Variants in GRIK4 observed in about 807,000 individuals in gnomAD.
GRIK4 encodes the protein glutamate receptor ionotropic, kainate 4.
Under a neutral mutation model 104.9 loss-of-function variants are expected in GRIK4, and 40 were observed. That is an observed-to-expected ratio of 0.38 (90% CI 0.30 to 0.50). The LOEUF is 0.50. GRIK4 is among the 20% of genes least tolerant of loss of function. GRIK4 has a pLI of 0.93. For missense variants in GRIK4, 1,047 were observed against 1,308.1 expected, an observed-to-expected ratio of 0.80 and a Z score of 3.08; for synonymous variants, 485 against 524.9, an observed-to-expected ratio of 0.92 and a Z score of 1.04.
chr11:120,849,066 A>G (rs1457398334), intron 8 of GRIK4, among the ~76,000 whole-genome samples: 1 of 152,158 alleles, frequency 6.6e-6, no homozygotes, highest in Non-Finnish European at 1.5e-5. Context: ...CAGGGAAGAT[A>G]AGTCCCACGG....
At chr11:120,525,343 T>A (rs2136076791) in intron 1 of GRIK4, among the ~76,000 whole-genome samples, 1 of 152,274 alleles carries the variant, frequency 6.6e-6, no homozygotes, top group South Asian at 2.1e-4. Context: ...CTAGTGCCTT[T>A]GGTATCATAC....
intron 3 of GRIK4, among the ~76,000 whole-genome samples, chr11:120,692,094 C>G (rs1185214542): frequency 6.6e-6 from 1 of 152,218 alleles, no homozygotes; most frequent in African/African-American, 2.4e-5. Context: ...GATGTGATGG[C>G]TGCTGGGCCC....
intron 1 of GRIK4, among the ~76,000 whole-genome samples, chr11:120,576,982 C>T (rs1226823148): frequency 6.6e-6 from 1 of 152,196 alleles, no homozygotes; most frequent in East Asian, 1.9e-4. Context: ...ACTTTCTTGT[C>T]GTATTTCCCC....
intron 3 of GRIK4, among the ~76,000 whole-genome samples, chr11:120,720,978 TATTCATTCATTCATTC>T (rs35714376): frequency 2.7e-5 from 4 of 150,608 alleles, no homozygotes; most frequent in Non-Finnish European, 4.4e-5. Flanking sequence ...TTCATTCACG[TATTCATTCATTCATTC>T]ATTCATTCAT....
chr11:120,684,314 G>A (rs1950242277), intron 3 of GRIK4, among the ~76,000 whole-genome samples: 1 of 152,142 alleles, frequency 6.6e-6, no homozygotes, highest in African/African-American at 2.4e-5. Context: ...CAGAGCAAGA[G>A]CCAGTTTCTA....
intron 8 of GRIK4, among the ~76,000 whole-genome samples, chr11:120,847,646 G>A (rs1465331844): frequency 1.3e-5 from 2 of 152,346 alleles, no homozygotes; most frequent in Middle Eastern, 3.4e-3. Flanking sequence ...GAGAAATTGT[G>A]GAGCTTGTAA....
At position 120,937,214 on chromosome 11, in the gene GRIK4, T is replaced by C. The variant is rs560715760; in HGVS notation, c.1477-3133T>C. Among the ~76,000 whole-genome samples the C allele has an allele frequency of 1.8e-3, 270 of 152,250 alleles. 3 individuals are homozygous for C. Among genetic ancestry groups the C allele is most frequent in the Non-Finnish European group, 6.2e-4 (42 of 68,016 alleles). On this transcript the variant is annotated intron_variant, in intron 13 of 20. Transcript: ENST00000527524. ...CCACCATGCCCAGCTAATTTTTGTA[T>C]TTTTAATAGAGACAGAGTTTCACCG...
chr11:120,621,149 G>C (rs1949182860), intron 1 of GRIK4, among the ~76,000 whole-genome samples: 1 of 152,184 alleles, frequency 6.6e-6, no homozygotes, highest in Non-Finnish European at 1.5e-5. Context: ...AGTAAGAAAG[G>C]AACACGTTCA....
chr11:120,670,218 C>T (rs1287339094), intron 3 of GRIK4, among the ~76,000 whole-genome samples: 1 of 152,202 alleles, frequency 6.6e-6, no homozygotes, highest in African/African-American at 2.4e-5. Flanking sequence ...TTATTTCTCC[C>T]TGGATTACTG....
intron 3 of GRIK4, among the ~76,000 whole-genome samples, chr11:120,761,299 G>C (rs1269503898): frequency 6.6e-6 from 1 of 152,008 alleles, no homozygotes; most frequent in Non-Finnish European, 1.5e-5. Context: ...GGGGTTGTTT[G>C]TTTTTTTCTT....
chr11:120,679,647 A>G (rs1336495052), intron 3 of GRIK4, among the ~76,000 whole-genome samples: 1 of 152,218 alleles, frequency 6.6e-6, no homozygotes, highest in East Asian at 1.9e-4. Context: ...GGACACATGA[A>G]GAGAGCAGGG....
At chr11:120,605,540 G>A (rs907120111) in intron 1 of GRIK4, among the ~76,000 whole-genome samples, 8 of 152,232 alleles carry the variant, frequency 5.3e-5, no homozygotes, top group Non-Finnish European at 7.3e-5. Flanking sequence ...TGGGTCCTCT[G>A]TAGCTGTTGT....
chr11:120,811,868 G>A (rs1952835982), intron 4 of GRIK4, among the ~76,000 whole-genome samples: 1 of 152,096 alleles, frequency 6.6e-6, no homozygotes, highest in South Asian at 2.1e-4. Flanking sequence ...CATGGAAGGT[G>A]TTGAGTGGGC....
At chr11:120,755,904 T>C (rs1951643328) in intron 3 of GRIK4, among the ~76,000 whole-genome samples, 1 of 152,154 alleles carries the variant, frequency 6.6e-6, no homozygotes, top group Admixed American at 6.5e-5. Context: ...CATTTACAGA[T>C]GAGGAAACTG....
intron 1 of GRIK4, among the ~76,000 whole-genome samples, chr11:120,553,705 G>A (rs935790636): frequency 2.6e-5 from 4 of 152,204 alleles, no homozygotes; most frequent in African/African-American, 9.7e-5. Flanking sequence ...CCTGGGGAGG[G>A]GAGGGGAAGT....
At chr11:120,740,786 A>C (rs1226732602) in intron 3 of GRIK4, among the ~76,000 whole-genome samples, 1 of 152,134 alleles carries the variant, frequency 6.6e-6, no homozygotes, top group Admixed American at 6.5e-5. Context: ...GTGTACCTGT[A>C]AAGTACAATG....
intron 1 of GRIK4, among the ~76,000 whole-genome samples, chr11:120,604,064 C>T (rs533891550): frequency 1.8e-3 from 272 of 148,062 alleles, no homozygotes; most frequent in African/African-American, 6.4e-3. Flanking sequence ...CCCAGCTACT[C>T]GGGAGGCTGA....
At chr11:120,716,726 C>T (rs1249476762) in intron 3 of GRIK4, among the ~76,000 whole-genome samples, 1 of 152,108 alleles carries the variant, frequency 6.6e-6, no homozygotes, top group African/African-American at 2.4e-5. Context: ...CCTGACATTC[C>T]CTCTGCACAG....
intron 18 of GRIK4, among the ~76,000 whole-genome samples, chr11:120,963,228 A>G (rs1944322865): frequency 6.6e-6 from 1 of 152,218 alleles, no homozygotes; most frequent in South Asian, 2.1e-4. Flanking sequence ...GGTGTGGGTC[A>G]TGGAGAAGGG....
Sources: gnomAD v4.1 joint callset for allele counts (sites outside exome capture counted in the v4.1 genomes callset) on GRCh38, gnomAD v4.1.1 for gene constraint, MANE v1.5 for transcripts, NCBI Gene and HGNC (gene_info 2026-07-23, HGNC 2026-07-21) for gene names.